Variants in LRRC69 observed in about 807,000 individuals in gnomAD.
LRRC69 encodes leucine-rich repeat-containing protein 69.
Under a neutral mutation model 37.8 loss-of-function variants are expected in LRRC69, and 42 were observed. The observed-to-expected ratio is 1.11, with a 90% CI of 0.87 to 1.44. The LOEUF is 1.44. Among genes scored for constraint, LRRC69 ranks in the 40% most tolerant of loss-of-function variants. LRRC69 has a pLI of 0.00. For synonymous variants in LRRC69, 141 were observed against 143.1 expected (o/e 0.99, Z 0.11); for missense variants, 357 against 401.9 (o/e 0.89, Z 0.96).
intron 5 of LRRC69, among the ~76,000 whole-genome samples, chr8:91,169,858 C>A (rs749811505): frequency 8.9e-4 from 113 of 127,532 alleles, no homozygotes; most frequent in Non-Finnish European, 1.3e-3. Flanking sequence ...TGAACTCATC[C>A]TTTTTTATGG....
chr8:91,148,599 G>A (rs758146000), intron 5 of LRRC69, among the ~76,000 whole-genome samples: 6 of 151,970 alleles, frequency 3.9e-5, no homozygotes, highest in Non-Finnish European at 7.3e-5. Flanking sequence ...TATATAACCA[G>A]TAATGGGATG....
intron 5 of LRRC69, among the ~76,000 whole-genome samples, chr8:91,172,053 T>C (rs1467985138): frequency 1.3e-5 from 2 of 151,998 alleles, no homozygotes; most frequent in African/African-American, 2.4e-5. Flanking sequence ...GTAATGTATC[T>C]TTTACATTTT....
chr8:91,115,602 A>G (rs553150816), intron 1 of LRRC69, among the ~76,000 whole-genome samples: 2 of 152,112 alleles, frequency 1.3e-5, no homozygotes, highest in Non-Finnish European at 2.9e-5. Flanking sequence ...AGTATGCAGG[A>G]ATATTTCTTT....
intron 5 of LRRC69, among the ~76,000 whole-genome samples, chr8:91,158,991 C>T (rs1399059945): frequency 6.6e-6 from 1 of 151,014 alleles, no homozygotes; most frequent in Non-Finnish European, 1.5e-5. Flanking sequence ...AAAATTGATT[C>T]CTACAGTCTA....
At chr8:91,147,413 T>G (rs1222275731) in intron 5 of LRRC69, among the ~76,000 whole-genome samples, 1 of 151,168 alleles carries the variant, frequency 6.6e-6, no homozygotes, top group East Asian at 1.9e-4. Flanking sequence ...AATACTTCAT[T>G]TAAAAAAATC....
intron 7 of LRRC69, among the ~76,000 whole-genome samples, chr8:91,204,284 A>G (rs1363613495): frequency 1.3e-5 from 2 of 152,192 alleles, no homozygotes; most frequent in Non-Finnish European, 2.9e-5. Flanking sequence ...ACATAACAAA[A>G]AGTTGAATAT....
chr8:91,130,291 T>G (rs1239526348), intron 3 of LRRC69: 1 of 152,080 alleles, frequency 6.6e-6, no homozygotes, highest in East Asian at 1.9e-4. Flanking sequence ...TGTTTTTTAT[T>G]GAGACAGAGT....
At chr8:91,186,425 G>C (rs1163687782) in intron 5 of LRRC69, among the ~76,000 whole-genome samples, 1 of 152,108 alleles carries the variant, frequency 6.6e-6, no homozygotes, top group Non-Finnish European at 1.5e-5. Context: ...CCCAGTTGTA[G>C]GATGAGTTAA....
At chr8:91,178,347 TA>T (rs1411193644) in intron 5 of LRRC69, among the ~76,000 whole-genome samples, 1 of 152,220 alleles carries the variant, frequency 6.6e-6, no homozygotes, top group African/African-American at 2.4e-5. Flanking sequence ...CTGGGCCACT[TA>T]AAACAACAGC....
At chr8:91,209,737 A>G (rs533614316) in intron 7 of LRRC69, among the ~76,000 whole-genome samples, 1 of 152,288 alleles carries the variant, frequency 6.6e-6, no homozygotes, top group Admixed American at 6.5e-5. Flanking sequence ...AATTAGTAGA[A>G]TTTTTAATAG....
chr8:91,122,092 CATAACATACAAA>C (rs1813634096), intron 1 of LRRC69, among the ~76,000 whole-genome samples: 1 of 152,048 alleles, frequency 6.6e-6, no homozygotes, highest in Non-Finnish European at 1.5e-5. Flanking sequence ...GAACTTACCA[CATAACATACAAA>C]ATGAGCACTG....
At chr8:91,151,290 T>C (rs1808732465) in intron 5 of LRRC69, among the ~76,000 whole-genome samples, 1 of 151,954 alleles carries the variant, frequency 6.6e-6, no homozygotes, top group African/African-American at 2.4e-5. Flanking sequence ...GTTGTGTCTT[T>C]GTTCTCGGTG....
chr8:91,189,804 A>T (rs1276924182), intron 6 of LRRC69, among the ~76,000 whole-genome samples, 181 bp downstream of exon 6: 1 of 152,216 alleles, frequency 6.6e-6, no homozygotes, highest in African/African-American at 2.4e-5. Flanking sequence ...TGAAATCCTA[A>T]GTCACTCTGA....
chr8:91,141,618 T>C (rs1407838531), intron 5 of LRRC69, among the ~76,000 whole-genome samples: 1 of 152,086 alleles, frequency 6.6e-6, no homozygotes, highest in Non-Finnish European at 1.5e-5. Context: ...TGAAGAAATA[T>C]GGATGTTGCT....
chr8:91,124,698 A>G, intron 2 of LRRC69, 79 bp downstream of exon 2: 1 of 1,267,052 alleles, frequency 7.9e-7, no homozygotes, highest in Non-Finnish European at 1.1e-6. Flanking sequence ...TGAAATGAAA[A>G]AGAATTTTGC....
chr8:91,158,666 A>G, intron 5 of LRRC69: 1 of 1,279,316 alleles, frequency 7.8e-7, no homozygotes, highest in Non-Finnish European at 1.1e-6. Flanking sequence ...GAATTTGGTT[A>G]CTCCACTGCC....
chr8:91,158,349 A>G (rs1355381335), intron 5 of LRRC69: 2 of 1,454,322 alleles, frequency 1.4e-6, no homozygotes, highest in African/African-American at 2.8e-5. Context: ...TTTGATGAGA[A>G]TGAATCTTGG....
intron 1 of LRRC69, among the ~76,000 whole-genome samples, chr8:91,123,767 G>T (rs1325300442): frequency 6.6e-6 from 1 of 151,922 alleles, no homozygotes; most frequent in African/African-American, 2.4e-5. Flanking sequence ...TTACAACAAA[G>T]AATATTACTA....
At chr8:91,196,390 C>T (rs993883182) in intron 6 of LRRC69, among the ~76,000 whole-genome samples, 1 of 151,750 alleles carries the variant, frequency 6.6e-6, no homozygotes, top group Admixed American at 6.6e-5. Flanking sequence ...GAACGTTGGC[C>T]TGCCTTGCTA....
Sources: allele counts gnomAD v4.1 joint callset (sites outside exome capture counted in the v4.1 genomes callset), GRCh38; gene constraint gnomAD v4.1.1; transcripts MANE v1.5; gene names NCBI Gene and HGNC (gene_info 2026-07-23, HGNC 2026-07-21).